TLL2: variants seen among roughly 807,000 people sequenced by gnomAD.
The protein encoded by TLL2 is tolloid like 2, also known as tolloid-like protein 2.
Under a neutral mutation model 123.0 loss-of-function variants are expected in TLL2, and 106 were observed. The observed-to-expected ratio is 0.86, with a 90% CI of 0.74 to 1.01. TLL2 has a LOEUF of 1.01. TLL2 is among the 50% of genes least tolerant of loss of function. The pLI, the probability that TLL2 is intolerant of heterozygous loss-of-function variation, is 0.00. For synonymous variants in TLL2, 494 were observed against 516.8 expected (o/e 0.96, Z 0.60); for missense variants, 1,332 against 1,336.7 (o/e 1.00, Z 0.06).
intron 1 of TLL2, among the ~76,000 whole-genome samples, chr10:96,509,658 C>T (rs1170019675): frequency 1.3e-5 from 2 of 152,236 alleles, no homozygotes; most frequent in African/African-American, 4.8e-5. Flanking sequence ...CCAACTAAAA[C>T]TGGCCTTGGC....
At chr10:96,440,300 G>A (rs1487866181) in intron 3 of TLL2, among the ~76,000 whole-genome samples, 2 of 152,200 alleles carry the variant, frequency 1.3e-5, no homozygotes, top group Non-Finnish European at 2.9e-5. Context: ...CTGACTGGTG[G>A]TGAGCATTCA....
chr10:96,372,291 G>A (rs1216885735), intron 19 of TLL2, among the ~76,000 whole-genome samples: 2 of 152,024 alleles, frequency 1.3e-5, no homozygotes, highest in Admixed American at 6.6e-5. Flanking sequence ...TATATTTTCC[G>A]GTACTGAAAA....
At chr10:96,466,241 C>T (rs1245202411) in intron 2 of TLL2, among the ~76,000 whole-genome samples, 2 of 152,160 alleles carry the variant, frequency 1.3e-5, no homozygotes, top group Non-Finnish European at 2.9e-5. Flanking sequence ...CTGGGCCTTT[C>T]CTCAGTGTTT....
At chr10:96,443,138 G>A (rs1343330339) in intron 3 of TLL2, among the ~76,000 whole-genome samples, 1 of 152,180 alleles carries the variant, frequency 6.6e-6, no homozygotes, top group Non-Finnish European at 1.5e-5. Flanking sequence ...AGGCAAGGGG[G>A]GAAGGTGGTA....
chr10:96,459,132 T>C (rs1847047806), intron 2 of TLL2, among the ~76,000 whole-genome samples: 2 of 152,180 alleles, frequency 1.3e-5, no homozygotes, highest in Non-Finnish European at 2.9e-5. Flanking sequence ...GTAAATGCTA[T>C]GAATGTGTCA....
At chr10:96,457,261 C>T (rs1313199360) in intron 2 of TLL2, among the ~76,000 whole-genome samples, 1 of 152,136 alleles carries the variant, frequency 6.6e-6, no homozygotes, top group Admixed American at 6.5e-5. Context: ...AGCCTCCCTG[C>T]CTCCTCAGGG....
At chr10:96,402,798 C>T (rs1846408628) in intron 10 of TLL2, among the ~76,000 whole-genome samples, 1 of 152,172 alleles carries the variant, frequency 6.6e-6, no homozygotes. Context: ...TACCTTGAGT[C>T]CAGCCAACCC....
In TLL2 at chr10:96,509,839, C is replaced by A. The variant is rs568433369; in HGVS notation, c.175+3672G>T. 3.7e-3 allele frequency among the ~76,000 whole-genome samples: 570 copies of A among 152,288 alleles called. 3 individuals are homozygous for A. Among genetic ancestry groups the A allele is most frequent in the Non-Finnish European group, 6.8e-3 (463 of 68,012 alleles). On this transcript the variant is annotated intron_variant, in intron 1 of 20. Coordinates refer to ENST00000357947, the MANE Select transcript of TLL2 (RefSeq NM_012465.4). ...GCAGGCGCCTGTAGTCCCAGCTACT[C>A]GGGAGGCTGAGGCAGGAGAATGGCG...
intron 3 of TLL2, among the ~76,000 whole-genome samples, chr10:96,444,985 C>A (rs549483413): frequency 3.4e-4 from 51 of 152,236 alleles, no homozygotes; most frequent in African/African-American, 1.2e-3. Flanking sequence ...GTCAGCAGAC[C>A]GAGACCATCC....
intron 1 of TLL2, 152 bp from the exon 2 acceptor site, chr10:96,480,611 C>G: frequency 3.1e-6 from 2 of 652,804 alleles, no homozygotes; most frequent in Admixed American, 2.4e-5. Context: ...AGAGATAGGG[C>G]TGGTGGAGGC....
chr10:96,508,589 C>A (rs1413893381), intron 1 of TLL2, among the ~76,000 whole-genome samples: 1 of 152,086 alleles, frequency 6.6e-6, no homozygotes, highest in Non-Finnish European at 1.5e-5. Flanking sequence ...TCAGGCAGTT[C>A]CCTTAGATTT....
At chr10:96,400,184 C>T (rs1846379449) in intron 10 of TLL2, among the ~76,000 whole-genome samples, 1 of 152,056 alleles carries the variant, frequency 6.6e-6, no homozygotes, top group South Asian at 2.1e-4. Context: ...TATCTCATTT[C>T]ATCCCAATAC....
At chr10:96,465,287 T>C (rs1179929161) in intron 2 of TLL2, among the ~76,000 whole-genome samples, 4 of 152,206 alleles carry the variant, frequency 2.6e-5, no homozygotes, top group African/African-American at 9.7e-5. Flanking sequence ...GTCAGTAAAA[T>C]GCAATGGCCC....
chr10:96,484,179 G>C (rs1847337010), intron 1 of TLL2, among the ~76,000 whole-genome samples: 1 of 152,032 alleles, frequency 6.6e-6, no homozygotes, highest in Non-Finnish European at 1.5e-5. Flanking sequence ...AAAGTGAGGG[G>C]AAGTGACATG....
At chr10:96,401,052 G>T (rs964151803) in intron 10 of TLL2, among the ~76,000 whole-genome samples, 1 of 152,178 alleles carries the variant, frequency 6.6e-6, no homozygotes, top group Non-Finnish European at 1.5e-5. Context: ...CTAGAGAAAA[G>T]GTGTCAGATT....
chr10:96,379,302 A>T (rs1028350008), intron 16 of TLL2, among the ~76,000 whole-genome samples: 1 of 152,106 alleles, frequency 6.6e-6, no homozygotes, highest in Non-Finnish European at 1.5e-5. Flanking sequence ...TATGTGTTGA[A>T]TTCTCCAAGT....
chr10:96,393,201 C>T (rs1040803318), intron 13 of TLL2, among the ~76,000 whole-genome samples: 2 of 152,224 alleles, frequency 1.3e-5, no homozygotes, highest in African/African-American at 4.8e-5. Context: ...CTGACCTCCA[C>T]AACTGTAGGA....
intron 10 of TLL2, among the ~76,000 whole-genome samples, chr10:96,398,713 G>C (rs574396819): frequency 6.6e-6 from 1 of 152,172 alleles, no homozygotes; most frequent in South Asian, 2.1e-4. Flanking sequence ...TCAGAACACA[G>C]GCCAGCCACG....
chr10:96,451,462 T>C (rs1254518034), intron 2 of TLL2, among the ~76,000 whole-genome samples: 2 of 152,200 alleles, frequency 1.3e-5, no homozygotes, highest in Non-Finnish European at 2.9e-5. Flanking sequence ...CCTTGTGCCA[T>C]AGATTAATAT....
Sources: gnomAD v4.1 joint callset for allele counts (sites outside exome capture counted in the v4.1 genomes callset) on GRCh38, gnomAD v4.1.1 for gene constraint, MANE v1.5 for transcripts, NCBI Gene and HGNC (gene_info 2026-07-23, HGNC 2026-07-21) for gene names.